MGAT5B: variants seen among roughly 807,000 people sequenced by gnomAD.
The protein encoded by MGAT5B is N-acetylglucosaminyl-transferase Vb.
Under a neutral mutation model 95.1 loss-of-function variants are expected in MGAT5B, and 54 were observed. That is an observed-to-expected ratio of 0.57 (90% CI 0.46 to 0.71). The LOEUF (loss-of-function observed/expected upper bound fraction) is 0.71. MGAT5B is among the 30% of genes least tolerant of loss of function. The pLI is 0.00. For synonymous variants in MGAT5B, 464 were observed against 451.0 expected (o/e 1.03, Z -0.36); for missense variants, 935 against 1,088.6 (o/e 0.86, Z 1.99).
intron 9 of MGAT5B, 107 bp downstream of exon 9, chr17:76,925,204 G>A: frequency 7.2e-7 from 1 of 1,389,350 alleles, no homozygotes; most frequent in Admixed American, 1.9e-5. Context: ...GGCCCAGGTG[G>A]GAGAACATAC....
intron 2 of MGAT5B, 60 bp from the exon 3 acceptor site, chr17:76,882,091 C>T: frequency 5.9e-6 from 9 of 1,533,858 alleles, no homozygotes; most frequent in Middle Eastern, 1.8e-4. Context: ...CCAGCTCGGA[C>T]ACCAGGTGGC....
chr17:76,946,046 G>C (rs1970016875), intron 15 of MGAT5B, among the ~76,000 whole-genome samples: 1 of 151,388 alleles, frequency 6.6e-6, no homozygotes, highest in Non-Finnish European at 1.5e-5. Context: ...TGGGTGGGCT[G>C]TGGGAAGAGG....
Position 76,869,181 on chromosome 17 carries a change from C to T in MGAT5B, c.68+84C>T, listed in dbSNP as rs977037874. 2.4e-6 allele frequency: 3 copies of T among 1,251,088 alleles called. No homozygotes were observed. Among genetic ancestry groups the T allele is most frequent in the East Asian group, 2.3e-5 (1 of 42,972 alleles). 77.5% of individuals were successfully genotyped at this position (1,251,088 alleles called of 1,614,324 possible). On this transcript the variant is annotated intron_variant, in intron 1 of 17. Transcript: ENST00000569840. The surrounding 1 kb of genome is among the most constrained non-coding windows in gnomAD (Gnocchi z 7.0). Reference sequence around the variant, plus strand: ...GGTCGGTTCCTGCGAACGTTCAAGTCCTGGTGGCAGAGGGGGCGGTTCACA... The same window carrying T: ...GGTCGGTTCCTGCGAACGTTCAAGTTCTGGTGGCAGAGGGGGCGGTTCACA...
At position 76,872,667 on chromosome 17, in the gene MGAT5B, C is replaced by T. The variant is rs1967049282; in HGVS notation, c.69-184C>T. ...TCGAGGCCAGCATCTTGTAGTTGAG[C>T]TCTCTTTATCCTATAGTGGGGGGGC... On this transcript the variant is annotated intron_variant, in intron 1 of 17. Coordinates refer to ENST00000569840, the MANE Select transcript of MGAT5B (RefSeq NM_001199172.2). 4.3e-5 allele frequency: 64 copies of T among 1,489,536 alleles called. No homozygotes were observed. The South Asian group carries it at 8.4e-4, about 19-fold the overall frequency. 92.3% of individuals were successfully genotyped at this position (1,489,536 alleles called of 1,614,324 possible). A position where few individuals can be genotyped will look rare whatever the true frequency, so the allele number is the denominator to read the frequency against.
rs1179451814 is a variant in MGAT5B at position 76,932,583 on chromosome 17, G to A, written c.1292-62G>A. On this transcript the variant is annotated intron_variant, in intron 10 of 17. Transcript: ENST00000569840. ...GACCTCTTGGGCGGGGCAGTCCAGG[G>A]AGGCCTGGGGCTGCCCTTGGTTGTT... 21 of 1,605,588 alleles carry A rather than the reference G, an allele frequency of 1.3e-5. No individual in the cohort carries two copies. The East Asian group carries it at 4.5e-4, about 34-fold the overall frequency.
rs764586350 is a variant in MGAT5B at position 76,948,698 on chromosome 17, G to A, written c.2239G>A (p.Ala747Thr). 9.3e-6 allele frequency: 15 copies of A among 1,613,220 alleles called. No individual in the cohort carries two copies. The highest frequency in any genetic ancestry group is 2.7e-5 in the African/African-American group (2 of 74,936). The change falls in exon 18 of 18, where the codon GCC becomes ACC. Residue 747 changes from alanine to threonine, a missense_variant. Ala to Thr is a moderately conservative substitution (Grantham distance 58). This residue lies in a region of MGAT5B where 440 missense variants were observed against 523.6 expected (regional missense o/e 0.84). Coordinates refer to ENST00000569840, the MANE Select transcript of MGAT5B (RefSeq NM_001199172.2). ...SEMNHLYPAF[A>T]QPGQECYLQK... The stretch of plus-strand genomic sequence containing the variant: ...GATGAACCACCTGTACCCGGCGTTC[G>A]CCCAGCCTGGCCAGGAGTGCTACCT...
chr17:76,945,478 C>T (rs935076332), intron 15 of MGAT5B, among the ~76,000 whole-genome samples: 5 of 152,004 alleles, frequency 3.3e-5, no homozygotes, highest in Admixed American at 2.6e-4. Context: ...TTAGTAGAGC[C>T]GGGTTTCACC....
intron 10 of MGAT5B, among the ~76,000 whole-genome samples, chr17:76,931,600 G>A (rs1969477357): frequency 6.6e-6 from 1 of 151,936 alleles, no homozygotes; most frequent in Non-Finnish European, 1.5e-5. Context: ...AGGTGCGGTG[G>A]GAGAGAAATG....
chr17:76,905,964 G>A lies in MGAT5B; in HGVS notation c.856-54G>A, dbSNP rs561131874. Reference sequence around the variant, plus strand: ...CTCCTGGCCGGTGCCCCGGGGGGGCGGGGCTCAGAGCTGCTGCTCCTCTCT... The same window carrying A: ...CTCCTGGCCGGTGCCCCGGGGGGGCAGGGCTCAGAGCTGCTGCTCCTCTCT... On this transcript the variant is annotated intron_variant, in intron 7 of 17. Coordinates refer to ENST00000569840, the MANE Select transcript of MGAT5B (RefSeq NM_001199172.2). This position sits in a 1 kb window ranked among gnomAD's most constrained non-coding sequence, Gnocchi z 4.2. The A allele has an allele frequency of 1.4e-5, 21 of 1,509,616 alleles. No individual in the cohort carries two copies. The highest frequency in any genetic ancestry group is 9.2e-5 in the Admixed American group (4 of 43,618). The allele number at this position is 1,509,616 out of a possible 1,614,324, so 93.5% of individuals were successfully genotyped here.
intron 16 of MGAT5B, 124 bp from the exon 17 acceptor site, chr17:76,947,706 C>T (rs1303445431): frequency 1.0e-5 from 14 of 1,384,080 alleles, no homozygotes; most frequent in Non-Finnish European, 1.1e-5. Context: ...GTAAAGCTAC[C>T]TGGTATTCAG....
intron 2 of MGAT5B, among the ~76,000 whole-genome samples, chr17:76,880,063 G>C (rs112021417): frequency 1.3e-5 from 2 of 152,174 alleles, no homozygotes; most frequent in African/African-American, 4.8e-5. Context: ...AGGGACTTGT[G>C]GGGAGGTCCT....
At chr17:76,932,187 G>C (rs1969512664) in intron 10 of MGAT5B, among the ~76,000 whole-genome samples, 1 of 150,140 alleles carries the variant, frequency 6.7e-6, no homozygotes, top group Non-Finnish European at 1.5e-5. Flanking sequence ...GAGTGCAGCA[G>C]TGCGATCATA....
At chr17:76,925,127 G>A (rs1598973597) in intron 9 of MGAT5B, 30 bp downstream of exon 9, 1 of 1,609,142 alleles carries the variant, frequency 6.2e-7, no homozygotes, top group African/African-American at 1.4e-5. Flanking sequence ...GTGGGCACGT[G>A]GCCCACATGC....
rs1279274317 is a variant in MGAT5B at position 76,930,799 on chromosome 17, G to A, written c.1292-1846G>A. The stretch of plus-strand genomic sequence containing the variant: ...TAACAGAGACCTAACTGCCGCAGAT[G>A]GGGCCACAAAGGGAGGCACAGTCCA... On this transcript the variant is annotated intron_variant, in intron 10 of 17. Coordinates refer to ENST00000569840, the MANE Select transcript of MGAT5B (RefSeq NM_001199172.2). The surrounding 1 kb of genome is among the most constrained non-coding windows in gnomAD (Gnocchi z 4.1). Among the ~76,000 whole-genome samples, 1 of 152,202 alleles carries A rather than the reference G, an allele frequency of 6.6e-6. No homozygotes were observed. Among genetic ancestry groups the A allele is most frequent in the Non-Finnish European group, 1.5e-5 (1 of 68,032 alleles).
chr17:76,936,130 G>A (rs933599151), intron 12 of MGAT5B, among the ~76,000 whole-genome samples: 45 of 151,666 alleles, frequency 3.0e-4, no homozygotes, highest in African/African-American at 9.9e-4. Flanking sequence ...TCTTTCAGCC[G>A]GGAACGGTGG....
chr17:76,940,612 G>C lies in MGAT5B; in HGVS notation c.1731+64G>C. Reference sequence around the variant, plus strand: ...CGGGACAGAGACCCCTGCAGGTCCTGGAAGAGGCAGACTGAGATGTGGGGC... The same window carrying C: ...CGGGACAGAGACCCCTGCAGGTCCTCGAAGAGGCAGACTGAGATGTGGGGC... On this transcript the variant is annotated intron_variant, in intron 14 of 17. Coordinates refer to ENST00000569840, the MANE Select transcript of MGAT5B (RefSeq NM_001199172.2). The surrounding 1 kb of genome is among the most constrained non-coding windows in gnomAD (Gnocchi z 4.3). 1.3e-6 allele frequency: 2 copies of C among 1,584,318 alleles called. No individual in the cohort carries two copies. Among genetic ancestry groups the C allele is most frequent in the Admixed American group, 1.7e-5 (1 of 58,540 alleles).
At chr17:76,928,567 T>C (rs924745471) in intron 10 of MGAT5B, among the ~76,000 whole-genome samples, 10 of 151,824 alleles carry the variant, frequency 6.6e-5, no homozygotes, top group Non-Finnish European at 1.2e-4. Flanking sequence ...TAGCCGGGTG[T>C]GGTCGTGGGT....
At position 76,905,141 on chromosome 17, in the gene MGAT5B, C is replaced by T. The variant is rs754271902; in HGVS notation, c.691-28C>T. On this transcript the variant is annotated intron_variant, in intron 6 of 17. Transcript: ENST00000569840. This position sits in a 1 kb window ranked among gnomAD's most constrained non-coding sequence, Gnocchi z 4.2. ...ATGATGGTGGCCGCAGGTTGAGGGG[C>T]AGAGAGCTGAGGTCTGGACCCCTCC... 1.3e-5 allele frequency: 21 copies of T among 1,578,766 alleles called. No homozygotes were observed. The highest frequency in any genetic ancestry group is 3.5e-5 in the Admixed American group (2 of 57,536).
intron 17 of MGAT5B, 50 bp downstream of exon 17, chr17:76,948,136 G>A (rs1285553619): frequency 6.6e-7 from 1 of 1,504,906 alleles, no homozygotes; most frequent in East Asian, 2.4e-5. Context: ...CGCTGGCCCA[G>A]CCGGGTTCAC....
Sources: gnomAD v4.1 joint callset for allele counts (sites outside exome capture counted in the v4.1 genomes callset) on GRCh38, gnomAD v4.1.1 for gene constraint, gnomAD v4.1.1 regional missense constraint, Gnocchi (gnomAD v3.1) non-coding constraint, MANE v1.5 for transcripts, NCBI Gene and HGNC (gene_info 2026-07-23, HGNC 2026-07-21) for gene names.